JMJD1C: variants seen among roughly 807,000 people sequenced by gnomAD.
JMJD1C encodes the protein jumonji domain-containing protein 1C.
In JMJD1C, 31 loss-of-function variants were observed where a neutral mutation model predicts 245.3. The observed-to-expected ratio is 0.13, with a 90% CI of 0.09 to 0.17. JMJD1C has a LOEUF of 0.17. Ranked by LOEUF, JMJD1C falls within the 10% of genes least tolerant of loss-of-function variation. The pLI is 1.00. For synonymous variants in JMJD1C, 1,057 were observed against 1,017.4 expected (o/e 1.04, Z -0.74); for missense variants, 2,691 against 3,000.2 (o/e 0.90, Z 2.41).
At chr10:63,239,012 C>G (rs4439410) in intron 3 of JMJD1C, among the ~76,000 whole-genome samples, 130,742 of 152,138 alleles carry the variant, frequency 0.86, 56,878 homozygotes, top group African/African-American at 0.96. Context: ...AATGGGTTGG[C>G]GGGTGACCTA....
chr10:63,434,816 C>T (rs561288331), intron 1 of JMJD1C, among the ~76,000 whole-genome samples: 12 of 152,252 alleles, frequency 7.9e-5, no homozygotes, highest in African/African-American at 2.9e-4. Context: ...GAGTGAAATT[C>T]TCTAAGTTCA....
intron 8 of JMJD1C, among the ~76,000 whole-genome samples, chr10:63,210,406 T>C (rs1265607122): frequency 6.6e-6 from 1 of 152,198 alleles, no homozygotes. Flanking sequence ...ATATAACAAA[T>C]AAAAATCTGA....
In JMJD1C at chr10:63,207,749, A is replaced by G; in HGVS notation, c.3920T>C (p.Val1307Ala). ...AGTTTTTGTACTAGAAGATGGACGCACAATGACAGATGCCATAGCAGCCTG... is the reference window on the plus strand; with the variant it reads ...AGTTTTTGTACTAGAAGATGGACGCGCAATGACAGATGCCATAGCAGCCTG... ...KLQAAMASVI[V>A]RPSSSTKTDS... The change falls in exon 10 of 26, where the codon GTG becomes GCG. Residue 1307 changes from valine to alanine, a missense_variant. By Grantham distance (64) the Val-to-Ala change is moderately conservative. Around this residue, in one of 9 missense-constraint regions of JMJD1C, gnomAD observed 1,562 missense variants for 1,490.7 expected, o/e 1.05. Coordinates refer to ENST00000399262, the MANE Select transcript of JMJD1C (RefSeq NM_032776.3). The G allele has an allele frequency of 6.2e-7, 1 of 1,614,210 alleles. No homozygotes were observed. The highest frequency in any genetic ancestry group is 8.5e-7 in the Non-Finnish European group (1 of 1,180,026).
intron 1 of JMJD1C, among the ~76,000 whole-genome samples, chr10:63,384,642 T>C (rs1423792945): frequency 2.0e-5 from 3 of 152,200 alleles, no homozygotes; most frequent in Non-Finnish European, 4.4e-5. Flanking sequence ...CCAGGCTTTG[T>C]TGTTCCATTT....
chr10:63,222,851 G>A (rs916246288), intron 3 of JMJD1C: 23 of 1,444,858 alleles, frequency 1.6e-5, no homozygotes, highest in African/African-American at 9.8e-5. Context: ...AAGTACACAT[G>A]CTGGATCAAA....
intron 2 of JMJD1C, among the ~76,000 whole-genome samples, chr10:63,345,094 C>A (rs928209034): frequency 6.6e-6 from 1 of 152,164 alleles, no homozygotes; most frequent in South Asian, 2.1e-4. Context: ...TTTTTAGGAG[C>A]ATGATTCAAA....
chr10:63,297,289 G>A (rs1859563415), intron 2 of JMJD1C, among the ~76,000 whole-genome samples: 1 of 152,038 alleles, frequency 6.6e-6, no homozygotes, highest in Non-Finnish European at 1.5e-5. Context: ...CTTTTTCCAG[G>A]CCCACCCATG....
chr10:63,193,118 T>G lies in JMJD1C; in HGVS notation c.5896A>C (p.Ile1966Leu). Residue 1966 changes from isoleucine to leucine, a missense_variant, in exon 16 of 26, where the codon ATT (isoleucine) becomes CTT (leucine). Ile to Leu is a conservative substitution (Grantham distance 5). Coordinates refer to ENST00000399262, the MANE Select transcript of JMJD1C (RefSeq NM_032776.3). Reference sequence around the variant, plus strand: ...TGAGACTCAGGCATGCACAGAGAAATTTTATTACTGTGATTAAGAACATTC... The same window carrying G: ...TGAGACTCAGGCATGCACAGAGAAAGTTTATTACTGTGATTAAGAACATTC... Reference protein sequence around the residue: ...LQNVLNHSNKISLCMPESQQQ... With the variant: ...LQNVLNHSNKLSLCMPESQQQ... The G allele has an allele frequency of 6.2e-7, 1 of 1,613,708 alleles. No individual in the cohort carries two copies. Among genetic ancestry groups the G allele is most frequent in the Non-Finnish European group, 8.5e-7 (1 of 1,179,830 alleles).
chr10:63,413,716 C>CTAGAAATCTAAATAAAGCAAATA (rs1949625198), intron 1 of JMJD1C, among the ~76,000 whole-genome samples: 2 of 151,354 alleles, frequency 1.3e-5, no homozygotes, highest in Non-Finnish European at 2.9e-5. Context: ...AATATTTTAA[C>CTAGAAATCTAAATAAAGCAAATA]TTTAGGAAGT....
intron 1 of JMJD1C, among the ~76,000 whole-genome samples, chr10:63,477,332 A>G (rs1953693350): frequency 6.6e-6 from 1 of 152,164 alleles, no homozygotes; most frequent in Non-Finnish European, 1.5e-5. Flanking sequence ...AAAATATGCT[A>G]TCTTATATTA....
intron 2 of JMJD1C, among the ~76,000 whole-genome samples, chr10:63,342,120 A>C (rs1943435021): frequency 1.3e-5 from 2 of 152,244 alleles, no homozygotes; most frequent in African/African-American, 4.8e-5. Flanking sequence ...AGCTAAAGGA[A>C]GTAGATAACG....
chr10:63,230,697 C>T (rs1210695421), intron 3 of JMJD1C, among the ~76,000 whole-genome samples: 1 of 151,668 alleles, frequency 6.6e-6, no homozygotes, highest in Non-Finnish European at 1.5e-5. Context: ...ATCACTTGAA[C>T]CCAGCAAGCA....
rs76016008 is a variant in JMJD1C, at chr10:63,361,952, G to A, written c.333+18366C>T. On this transcript the variant is annotated intron_variant, in intron 2 of 25. Coordinates refer to ENST00000399262, the MANE Select transcript of JMJD1C (RefSeq NM_032776.3). ...TGGCTTTTTAAAAATCACTAGTTTG[G>A]GCCAAGCACAGTGGTTCACACCTGT... 6.1e-4 allele frequency among the ~76,000 whole-genome samples: 93 copies of A among 151,908 alleles called. 1 individual carries two copies. The East Asian group carries it at 0.017, about 28-fold the overall frequency.
intron 21 of JMJD1C, among the ~76,000 whole-genome samples, chr10:63,183,960 G>A (rs1287269692): frequency 6.6e-6 from 1 of 152,136 alleles, no homozygotes; most frequent in African/African-American, 2.4e-5. Flanking sequence ...AAGGAGTCTC[G>A]CTCTGTTGCC....
At chr10:63,367,824 A>C (rs919150871) in intron 2 of JMJD1C, among the ~76,000 whole-genome samples, 2 of 152,202 alleles carry the variant, frequency 1.3e-5, no homozygotes, top group African/African-American at 2.4e-5. Context: ...ATAACAACAC[A>C]AGAGTTTATG....
intron 2 of JMJD1C, among the ~76,000 whole-genome samples, chr10:63,310,144 GCATAATA>G (rs1938963908): frequency 6.6e-6 from 1 of 152,034 alleles, no homozygotes; most frequent in African/African-American, 2.4e-5. Context: ...CTATCTAACA[GCATAATA>G]CAAGACTCCA....
chr10:63,284,040 AG>A (rs1230957637), intron 2 of JMJD1C, among the ~76,000 whole-genome samples: 4 of 148,498 alleles, frequency 2.7e-5, no homozygotes, highest in Non-Finnish European at 6.0e-5. Context: ...GTTTTTTGGG[AG>A]GGGGGACGGA....
At chr10:63,403,763 C>T (rs1207111114) in intron 1 of JMJD1C, among the ~76,000 whole-genome samples, 2 of 152,110 alleles carry the variant, frequency 1.3e-5, no homozygotes, top group Admixed American at 1.3e-4. Context: ...ATGGTGAAAC[C>T]CCATCTCTAC....
chr10:63,203,074 T>C (rs1034557774), intron 10 of JMJD1C: 2 of 985,098 alleles, frequency 2.0e-6, no homozygotes, highest in Non-Finnish European at 1.2e-6. Context: ...AATAGGCATT[T>C]AGAGCTTTTT....
Sources: allele counts gnomAD v4.1 joint callset (sites outside exome capture counted in the v4.1 genomes callset), GRCh38; gene constraint gnomAD v4.1.1; regional missense constraint gnomAD v4.1.1; transcripts MANE v1.5; gene names NCBI Gene and HGNC (gene_info 2026-07-23, HGNC 2026-07-21).